The following ZNF630 variants were observed in gnomAD, a reference collection of about 807,000 sequenced individuals.
The protein encoded by ZNF630 is dJ54B20.2 (novel KRAB box containing C2H2 type zinc finger protein).
Under a neutral mutation model 7.2 loss-of-function variants are expected in ZNF630, and 5 were observed. The observed-to-expected ratio is 0.70, with a 90% CI of 0.36 to 1.46. The LOEUF (loss-of-function observed/expected upper bound fraction) is 1.46, where lower values mean the gene tolerates loss of function less well. Among genes scored for constraint, ZNF630 ranks in the 40% most tolerant of loss-of-function variants. ZNF630 has a pLI of 0.03. For missense variants in ZNF630, 461 were observed against 477.0 expected (o/e 0.97, Z 0.31); for synonymous variants, 158 against 162.8 (o/e 0.97, Z 0.23).
rs935253240 is a variant in ZNF630, at chrX:48,069,709, G to A, written c.-176+1558C>T. Reference sequence around the variant, plus strand: ...GATCACACTGCCAGTGATTTAGAGCGAGGTGGTAGAGGAACAAAAAGTAAA... The same window carrying A: ...GATCACACTGCCAGTGATTTAGAGCAAGGTGGTAGAGGAACAAAAAGTAAA... On this transcript the variant is annotated intron_variant, in intron 1 of 4. Coordinates refer to ENST00000276054, the MANE Select transcript of ZNF630 (RefSeq NM_001282201.2). Among the ~76,000 whole-genome samples, 3 of 110,675 alleles carry A rather than the reference G, an allele frequency of 2.7e-5. 1 individual carries two copies. Among genetic ancestry groups the A allele is most frequent in the African/African-American group, 9.9e-5 (3 of 30,294 alleles).
At chrX:48,065,398 G>A (rs1475504142) in intron 2 of ZNF630, among the ~76,000 whole-genome samples, 3 of 104,700 alleles carry the variant, frequency 2.9e-5, no homozygotes, top group Non-Finnish European at 5.8e-5. Context: ...TAGTGCCACT[G>A]CACTCTAGCC....
At chrX:48,065,517 C>A (rs901546545) in intron 2 of ZNF630, among the ~76,000 whole-genome samples, 12 of 103,660 alleles carry the variant, frequency 1.2e-4, no homozygotes, top group Admixed American at 6.3e-4. Context: ...GGAAGGAAGG[C>A]AGGCAGGCAC....
intron 1 of ZNF630, among the ~76,000 whole-genome samples, chrX:48,068,123 A>T (rs1459142883): frequency 1.0e-5 from 1 of 99,800 alleles, no homozygotes; most frequent in Non-Finnish European, 2.0e-5. Flanking sequence ...AAGGCAGGAC[A>T]GAAGGCAGGA....
chrX:48,062,712 C>T (rs1019069947), intron 2 of ZNF630, among the ~76,000 whole-genome samples: 48 of 110,993 alleles, frequency 4.3e-4, no homozygotes, highest in Non-Finnish European at 5.3e-4. Flanking sequence ...CAAGCCTGGG[C>T]GACAGACTGA....
Position 48,064,474 on chromosome X carries a change from T to G in ZNF630, c.15+2398A>C, listed in dbSNP as rs1406388950. Among the ~76,000 whole-genome samples, 2 of 111,314 alleles carry G rather than the reference T, an allele frequency of 1.8e-5. 1 individual carries two copies. Among genetic ancestry groups the G allele is most frequent in the African/African-American group, 6.6e-5 (2 of 30,502 alleles). ...CCACAAGCTAAACTGGTTTTACACG[T>G]TTTCTTTTGAGACAGTCTTGCTCTA... is the stretch of plus-strand genomic sequence containing the variant. On this transcript the variant is annotated intron_variant, in intron 2 of 4. Transcript: ENST00000276054.
rs782593091 is a variant in ZNF630, at chrX:48,071,463, G to C, written c.-372C>G. 3.6e-5 allele frequency: 4 copies of C among 111,626 alleles called. No individual in the cohort carries two copies. Among genetic ancestry groups the C allele is most frequent in the African/African-American group, 6.5e-5 (2 of 30,594 alleles). 9.2% of individuals were successfully genotyped at this position (111,626 alleles called of 1,213,427 possible). A position where few individuals can be genotyped will look rare whatever the true frequency, so the allele number is the denominator to read the frequency against. ...AATGGCGTCATTCCGCCAGCGCCAG[G>C]ACCTCTGTCGCTGGCCGTGGTCTCG... On this transcript the variant is annotated 5_prime_UTR_variant, in exon 1 of 5. Coordinates refer to ENST00000276054, the MANE Select transcript of ZNF630 (RefSeq NM_001282201.2).
chrX:48,063,061 A>C (rs2059114476), intron 2 of ZNF630, among the ~76,000 whole-genome samples: 1 of 109,507 alleles, frequency 9.1e-6, no homozygotes, highest in African/African-American at 3.3e-5. Context: ...ATATGCCACA[A>C]TATTTAAGAT....
intron 1 of ZNF630, among the ~76,000 whole-genome samples, chrX:48,069,559 T>C (rs951736861): frequency 9.0e-6 from 1 of 111,314 alleles, no homozygotes; most frequent in African/African-American, 3.3e-5. Context: ...TGCAAAACTA[T>C]GGCGAATAGG....
At chrX:48,068,749 T>G (rs781833470) in intron 1 of ZNF630, among the ~76,000 whole-genome samples, 1 of 110,993 alleles carries the variant, frequency 9.0e-6, no homozygotes, top group Non-Finnish European at 1.9e-5. Context: ...GACTGGGTGG[T>G]GGGCATAATG....
At chrX:48,067,983 C>T (rs1038412926) in intron 1 of ZNF630, among the ~76,000 whole-genome samples, 6 of 109,304 alleles carry the variant, frequency 5.5e-5, no homozygotes, top group Non-Finnish European at 1.1e-4. Context: ...ATCACTTGAA[C>T]CCAAGGAGGT....
rs5905648 is a variant in ZNF630, at chrX:48,058,297, A to G, written c.*171T>C. Reference sequence around the variant, plus strand: ...TGAGCAAATTGATTCCATATTTGTGATGTTGAAAATATTCTGAGGGCCTAA... The same window carrying G: ...TGAGCAAATTGATTCCATATTTGTGGTGTTGAAAATATTCTGAGGGCCTAA... On this transcript the variant is annotated 3_prime_UTR_variant, in exon 5 of 5. Transcript: ENST00000276054. 171,613 of 401,917 alleles carry G rather than the reference A, an allele frequency of 0.43. 27,649 individuals carry two copies. The highest frequency in any genetic ancestry group is 0.47 in the Non-Finnish European group (118,235 of 252,625). The allele number at this position is 401,917 out of a possible 1,213,427, so 33.1% of individuals were successfully genotyped here.
rs184634513 is a variant in ZNF630 at position 48,066,786 on chromosome X, C to A, written c.15+86G>T. 145 of 1,112,701 alleles carry A rather than the reference C, an allele frequency of 1.3e-4. No homozygotes were observed. In the African/African-American group the frequency reaches 2.3e-3, roughly 18 times the overall value. 91.7% of individuals were successfully genotyped at this position (1,112,701 alleles called of 1,213,427 possible). Reference sequence around the variant, plus strand: ...ATTTTGCCTGTTGATCATCTATTCTCTCTAAATTTCTCTAATCCTTATTTT... The same window carrying A: ...ATTTTGCCTGTTGATCATCTATTCTATCTAAATTTCTCTAATCCTTATTTT... On this transcript the variant is annotated intron_variant, in intron 2 of 4. Coordinates refer to ENST00000276054, the MANE Select transcript of ZNF630 (RefSeq NM_001282201.2).
intron 2 of ZNF630, chrX:48,061,768 C>T (rs2059106348): frequency 3.1e-6 from 1 of 321,387 alleles, no homozygotes; most frequent in Non-Finnish European, 6.0e-6. Flanking sequence ...TCTCTCCTGC[C>T]ACCATGTGAA....
chrX:48,067,793 G>A (rs1354864767), intron 1 of ZNF630, among the ~76,000 whole-genome samples: 6 of 111,080 alleles, frequency 5.4e-5, no homozygotes, highest in Non-Finnish European at 9.4e-5. Flanking sequence ...CTGGCGTGGC[G>A]GTGCACAGCT....
At chrX:48,060,376 A>G in intron 4 of ZNF630, 74 bp downstream of exon 4, 2 of 1,067,112 alleles carry the variant, frequency 1.9e-6, no homozygotes, top group Non-Finnish European at 2.5e-6. Context: ...TAAGGAAGAA[A>G]AAAGGTAACG....
At chrX:48,061,710 A>G in intron 2 of ZNF630, 1 of 311,092 alleles carries the variant, frequency 3.2e-6, no homozygotes, top group South Asian at 2.8e-5. Flanking sequence ...AGTTCTCACA[A>G]GATCTAATGG....
chrX:48,058,985 G>T lies in ZNF630; in HGVS notation c.1457C>A (p.Pro486His), dbSNP rs1556908394. 3.3e-6 allele frequency: 4 copies of T among 1,206,050 alleles called. No homozygotes were observed. Among genetic ancestry groups the T allele is most frequent in the African/African-American group, 3.5e-5 (2 of 56,518 alleles). The change falls in exon 5 of 5, where the codon CCT becomes CAT. Residue 486 changes from proline to histidine, a missense_variant. Coordinates refer to ENST00000276054, the MANE Select transcript of ZNF630 (RefSeq NM_001282201.2). ...TTTTCCACATTCAGTACACATATAA[G>T]GTTTCTCTCCAGTATGAAGTCTTTG... Reference protein sequence around the residue: ...GHQRLHTGEKPYMCTECGKSF... With the variant: ...GHQRLHTGEKHYMCTECGKSF...
At position 48,059,039 on chromosome X, in the gene ZNF630, A is replaced by G; in HGVS notation, c.1403T>C (p.Phe468Ser). Reference protein sequence around the residue: ...PYVCTDCGKAFSQKSHLTGHQ... With the variant: ...PYVCTDCGKASSQKSHLTGHQ... ...GCCAGTGAGGTGTGACTTCTGGGAA[A>G]AGGCCTTCCCACAGTCAGTACACAC... Residue 468 changes from phenylalanine to serine, a missense_variant, in exon 5 of 5, where the codon TTT becomes TCT. Physicochemically the swap from Phe to Ser is radical, Grantham distance 155. Coordinates refer to ENST00000276054, the MANE Select transcript of ZNF630 (RefSeq NM_001282201.2). 4.1e-6 allele frequency: 5 copies of G among 1,208,104 alleles called. No individual in the cohort carries two copies. Among genetic ancestry groups the G allele is most frequent in the African/African-American group, 1.7e-5 (1 of 57,280 alleles).
intron 4 of ZNF630, 59 bp downstream of exon 4, chrX:48,060,391 T>C: frequency 1.9e-6 from 2 of 1,079,270 alleles, no homozygotes; most frequent in Non-Finnish European, 2.5e-6. Context: ...GTAACGGATG[T>C]CAGAGATGTC....
Sources: allele counts gnomAD v4.1 joint callset (sites outside exome capture counted in the v4.1 genomes callset), GRCh38; gene constraint gnomAD v4.1.1; transcripts MANE v1.5; gene names NCBI Gene and HGNC (gene_info 2026-07-23, HGNC 2026-07-21).